Variants in KDM4C observed in about 807,000 individuals in gnomAD.
KDM4C encodes the protein lysine-specific demethylase 4C.
In KDM4C, 81 loss-of-function variants were observed where a neutral mutation model predicts 129.3. That is an observed-to-expected ratio of 0.63 (90% CI 0.52 to 0.75). The LOEUF (loss-of-function observed/expected upper bound fraction) is 0.75, where lower values mean the gene tolerates loss of function less well. KDM4C is among the 30% of genes least tolerant of loss of function. The probability of loss-of-function intolerance (pLI) is 0.00; values close to 1 mark genes in which losing one functional copy is unlikely to be tolerated. For missense variants in KDM4C, 1,457 were observed against 1,304.0 expected, an observed-to-expected ratio of 1.12 and a Z score of -1.81; for synonymous variants, 573 against 456.1, an observed-to-expected ratio of 1.26 and a Z score of -3.26.
At chr9:7,082,212 T>TTAGA in intron 17 of KDM4C, among the ~76,000 whole-genome samples, 1 of 152,168 alleles carries the variant, frequency 6.6e-6, no homozygotes, top group South Asian at 2.1e-4. Flanking sequence ...TGAATCCTCC[T>TTAGA]GGAATGGGCA....
At chr9:6,969,446 A>G (rs573457332) in intron 8 of KDM4C, among the ~76,000 whole-genome samples, 71 of 152,308 alleles carry the variant, frequency 4.7e-4, no homozygotes, top group African/African-American at 1.6e-3. Flanking sequence ...TGATATTCCA[A>G]GCATATTAAC....
chr9:6,986,942 T>A (rs1257273096), intron 11 of KDM4C: 1 of 340,112 alleles, frequency 2.9e-6, no homozygotes, highest in Admixed American at 4.4e-5. Flanking sequence ...TTGAGGTAAT[T>A]GTAGACTCGT....
chr9:6,799,173 C>A (rs911511570), intron 2 of KDM4C, among the ~76,000 whole-genome samples: 1 of 152,132 alleles, frequency 6.6e-6, no homozygotes, highest in Non-Finnish European at 1.5e-5. Flanking sequence ...GGCGGCCGGG[C>A]AGAGGCTGCA....
intron 10 of KDM4C, 60 bp downstream of exon 10, chr9:6,984,464 C>T (rs1377940729): frequency 9.2e-7 from 1 of 1,083,830 alleles, no homozygotes; most frequent in Non-Finnish European, 1.4e-6. Flanking sequence ...GATCAGATGT[C>T]TTAAATGGAT....
intron 17 of KDM4C, among the ~76,000 whole-genome samples, chr9:7,050,075 G>T (rs1247136064): frequency 6.6e-6 from 1 of 151,946 alleles, no homozygotes; most frequent in Non-Finnish European, 1.5e-5. Flanking sequence ...TTCCCCAATG[G>T]CGAGCTGGGT....
intron 2 of KDM4C, among the ~76,000 whole-genome samples, chr9:6,796,599 C>T (rs868192717): frequency 2.6e-5 from 4 of 152,270 alleles, no homozygotes; most frequent in Admixed American, 1.3e-4. Context: ...ACACCTGCGT[C>T]GCTGTCTGCA....
chr9:6,816,868 G>A (rs1467703971), intron 4 of KDM4C, among the ~76,000 whole-genome samples: 1 of 148,168 alleles, frequency 6.7e-6, no homozygotes, highest in East Asian at 2.0e-4. Context: ...TTTGGCTTAA[G>A]TTCCCTTTTC....
intron 8 of KDM4C, among the ~76,000 whole-genome samples, chr9:6,960,801 T>C (rs915344852): frequency 2.0e-5 from 3 of 152,192 alleles, no homozygotes; most frequent in Non-Finnish European, 2.9e-5. Context: ...TTGTCATTTT[T>C]AGCAGCATCC....
chr9:6,914,644 A>G (rs1819979254), intron 8 of KDM4C, among the ~76,000 whole-genome samples: 1 of 152,238 alleles, frequency 6.6e-6, no homozygotes, highest in Non-Finnish European at 1.5e-5. Context: ...ATACACTAGT[A>G]TTAAGCAGTG....
chr9:6,900,586 G>T (rs1316851774), intron 8 of KDM4C, among the ~76,000 whole-genome samples: 1 of 152,188 alleles, frequency 6.6e-6, no homozygotes, highest in Non-Finnish European at 1.5e-5. Context: ...AGTGAGCCGT[G>T]ATCACACCAC....
chr9:6,849,474 G>C, intron 4 of KDM4C, 33 bp from the exon 5 acceptor site: 1 of 1,492,556 alleles, frequency 6.7e-7, no homozygotes. Flanking sequence ...AGTAAGATTT[G>C]ATTTCTCTCT....
chr9:6,753,189 C>G (rs1400969855), upstream of KDM4C, among the ~76,000 whole-genome samples: 1 of 152,212 alleles, frequency 6.6e-6, no homozygotes, highest in East Asian at 1.9e-4. Flanking sequence ...AGAACTTCTA[C>G]CTCTTCTTAG....
At chr9:6,917,883 C>T in intron 8 of KDM4C, among the ~76,000 whole-genome samples, 1 of 152,300 alleles carries the variant, frequency 6.6e-6, no homozygotes, top group African/African-American at 2.4e-5. Context: ...GCCCCTCTTG[C>T]AACTTGAAGA....
intron 17 of KDM4C, among the ~76,000 whole-genome samples, chr9:7,085,723 G>C (rs908310923): frequency 6.6e-6 from 1 of 152,118 alleles, no homozygotes; most frequent in Non-Finnish European, 1.5e-5. Context: ...TGCGTGGTGG[G>C]ATAATCTGAG....
intron 5 of KDM4C, among the ~76,000 whole-genome samples, chr9:6,850,741 TTTA>T (rs1006440047): frequency 1.3e-5 from 2 of 151,272 alleles, no homozygotes; most frequent in African/African-American, 4.9e-5. Context: ...CAATGTATTT[TTTA>T]TTTTTTATTT....
At chr9:7,086,117 C>T (rs1178155094) in intron 17 of KDM4C, among the ~76,000 whole-genome samples, 3 of 152,190 alleles carry the variant, frequency 2.0e-5, no homozygotes, top group Non-Finnish European at 1.5e-5. Context: ...GAGATCATGC[C>T]ACTGCACTCC....
chr9:6,823,293 T>G (rs1270150158), intron 4 of KDM4C, among the ~76,000 whole-genome samples: 1 of 152,190 alleles, frequency 6.6e-6, no homozygotes, highest in Non-Finnish European at 1.5e-5. Context: ...AGTGGCCCCT[T>G]GGAACCAATG....
At chr9:6,837,991 A>G (rs760505185) in intron 4 of KDM4C, among the ~76,000 whole-genome samples, 21 of 152,246 alleles carry the variant, frequency 1.4e-4, no homozygotes, top group Non-Finnish European at 1.8e-4. Context: ...GTACTGTACT[A>G]TGTTAATGTC....
In KDM4C at chr9:7,174,589, T is replaced by C; in HGVS notation, c.3031T>C (p.Tyr1011His). The change falls in exon 22 of 22, where the codon TAT becomes CAT. Residue 1011 changes from tyrosine (Y) to histidine (H), a missense_variant. Physicochemically the swap from Tyr to His is moderately conservative, Grantham distance 83. Coordinates refer to ENST00000381309, the MANE Select transcript of KDM4C (RefSeq NM_015061.6). Reference sequence around the variant, plus strand: ...TGACATGCGATTTGAAGACACGTTTTATGGAGCAGACATTATCCAAGGGGA... The same window carrying C: ...TGACATGCGATTTGAAGACACGTTTCATGGAGCAGACATTATCCAAGGGGA... The part of the protein sequence containing the change: ...ASDMRFEDTF[Y>H]GADIIQGERK... 6.2e-7 allele frequency: 1 copy of C among 1,614,212 alleles called. No individual in the cohort carries two copies. Among genetic ancestry groups the C allele is most frequent in the Non-Finnish European group, 8.5e-7 (1 of 1,180,028 alleles).
Sources: allele counts gnomAD v4.1 joint callset (sites outside exome capture counted in the v4.1 genomes callset), GRCh38; gene constraint gnomAD v4.1.1; transcripts MANE v1.5; gene names NCBI Gene and HGNC (gene_info 2026-07-23, HGNC 2026-07-21).